Variants in IQGAP2 observed in about 807,000 individuals in gnomAD.
IQGAP2 encodes the protein ras GTPase-activating-like protein IQGAP2.
A neutral mutation model predicts 201.3 loss-of-function variants in IQGAP2; 173 were observed. The observed-to-expected ratio is 0.86, with a 90% confidence interval of 0.76 to 0.98. The LOEUF (loss-of-function observed/expected upper bound fraction) is 0.98, where lower values mean the gene tolerates loss of function less well. IQGAP2 is among the 50% of genes least tolerant of loss of function. The probability of loss-of-function intolerance (pLI) is 0.00; values close to 1 mark genes in which losing one functional copy is unlikely to be tolerated. For synonymous variants in IQGAP2, 675 were observed against 673.9 expected (o/e 1.00, Z -0.03); for missense variants, 1,687 against 1,864.8 (o/e 0.90, Z 1.76).
At chr5:76,638,561 G>A (rs946023335) in intron 16 of IQGAP2, among the ~76,000 whole-genome samples, 1 of 152,042 alleles carries the variant, frequency 6.6e-6, no homozygotes, top group Non-Finnish European at 1.5e-5. Context: ...GGAGCCCAGG[G>A]CTGAAGTATT....
At chr5:76,623,068 T>C in intron 13 of IQGAP2, 9 of 1,075,526 alleles carry the variant, frequency 8.4e-6, no homozygotes, top group Admixed American at 1.9e-5. Flanking sequence ...CTTTGGGGTT[T>C]ACAGTTTGTG....
At chr5:76,574,949 A>C (rs1005924399) in intron 4 of IQGAP2, among the ~76,000 whole-genome samples, 3 of 152,236 alleles carry the variant, frequency 2.0e-5, no homozygotes, top group Admixed American at 2.0e-4. Flanking sequence ...ATTAAAAATA[A>C]TCTTATAGTA....
At chr5:76,608,687 A>G (rs1202699566) in intron 12 of IQGAP2, among the ~76,000 whole-genome samples, 1 of 152,236 alleles carries the variant, frequency 6.6e-6, no homozygotes, top group Non-Finnish European at 1.5e-5. Context: ...TTAATGGAGA[A>G]GCTAGCTGCT....
In IQGAP2 at chr5:76,632,147, C is replaced by T. The variant is rs191908980; in HGVS notation, c.1780+121C>T. 13 of 847,986 alleles carry T rather than the reference C, an allele frequency of 1.5e-5. 1 individual carries two copies. In the Admixed American group the frequency reaches 4.5e-4, roughly 29 times the overall value. The allele number at this position is 847,986 out of a possible 1,614,324, so 52.5% of individuals were successfully genotyped here. On this transcript the variant is annotated intron_variant, in intron 15 of 35. Coordinates refer to ENST00000274364, the MANE Select transcript of IQGAP2 (RefSeq NM_006633.5). ...AATTAACATTTCTGTAATTTTTTGT[C>T]ATCTATGGCTAAGGAAATTAGGAAA...
intron 2 of IQGAP2, among the ~76,000 whole-genome samples, chr5:76,553,272 A>T (rs1339966364): frequency 1.3e-5 from 2 of 152,212 alleles, no homozygotes; most frequent in African/African-American, 4.8e-5. Flanking sequence ...AGATATTCTT[A>T]TATTCTTTTA....
chr5:76,433,087 A>T (rs1436852944), intron 1 of IQGAP2, among the ~76,000 whole-genome samples: 1 of 152,204 alleles, frequency 6.6e-6, no homozygotes. Context: ...GGAAACTAGC[A>T]AGAATTGTGG....
In IQGAP2 at chr5:76,461,665, A is replaced by G. The variant is rs751338890; in HGVS notation, c.142A>G (p.Lys48Glu). The G allele has an allele frequency of 6.2e-7, 1 of 1,607,552 alleles. No homozygotes were observed. Among genetic ancestry groups the G allele is most frequent in the Non-Finnish European group, 8.5e-7 (1 of 1,173,996 alleles). ...ATATCTGTGCCACTTAGAGGAAGCC[A>G]AAAGGTAAGATCCAGACTTAGTCTA... The part of the protein sequence containing the change: ...YEYLCHLEEA[K>E]RWMEVCLVEE... Residue 48 changes from lysine to glutamate, a missense_variant, in exon 2 of 36, where the codon AAA becomes GAA. Coordinates refer to ENST00000274364, the MANE Select transcript of IQGAP2 (RefSeq NM_006633.5).
chr5:76,671,708 AATC>A, intron 23 of IQGAP2, 48 bp from the exon 24 acceptor site: 2 of 1,275,030 alleles, frequency 1.6e-6, no homozygotes, highest in Non-Finnish European at 2.2e-6. Context: ...AAAAAAAAAA[AATC>A]TGTATCCATG....
chr5:76,661,948 A>G (rs938727460), intron 21 of IQGAP2, among the ~76,000 whole-genome samples: 3 of 152,256 alleles, frequency 2.0e-5, no homozygotes, highest in Non-Finnish European at 4.4e-5. Flanking sequence ...ATGGGGGACT[A>G]TCATGAACAA....
chr5:76,536,185 C>A (rs1759613689), intron 2 of IQGAP2, among the ~76,000 whole-genome samples: 1 of 150,594 alleles, frequency 6.6e-6, no homozygotes. Flanking sequence ...TGTCCTGCCT[C>A]AGCCTCCCAA....
chr5:76,647,592 G>A lies in IQGAP2; in HGVS notation c.2095-5158G>A, dbSNP rs183201791. 5.3e-3 allele frequency among the ~76,000 whole-genome samples: 806 copies of A among 152,132 alleles called. 8 individuals are homozygous for A. The highest frequency in any genetic ancestry group is 0.018 in the African/African-American group (747 of 41,470). Reference sequence around the variant, plus strand: ...CTCTCTTGCTGCCACCGTGTAAGAAGTGCCTTTTGCCTTCCACCATGATTG... The same window carrying A: ...CTCTCTTGCTGCCACCGTGTAAGAAATGCCTTTTGCCTTCCACCATGATTG... On this transcript the variant is annotated intron_variant, in intron 17 of 35. Coordinates refer to ENST00000274364, the MANE Select transcript of IQGAP2 (RefSeq NM_006633.5).
Position 76,597,948 on chromosome 5 carries a change from G to A in IQGAP2, c.1071+346G>A, listed in dbSNP as rs73121902. On this transcript the variant is annotated intron_variant, in intron 10 of 35. Transcript: ENST00000274364. ...TTTTTACAATATATAATGTTTTTATGTAGAAAATAAGCTCAATCTGCAATT... is the reference window on the plus strand; with the variant it reads ...TTTTTACAATATATAATGTTTTTATATAGAAAATAAGCTCAATCTGCAATT... Among the ~76,000 whole-genome samples the A allele has an allele frequency of 6.3e-3, 960 of 152,224 alleles. 6 individuals carry two copies. The highest frequency in any genetic ancestry group is 0.02 in the Middle Eastern group (6 of 294).
At chr5:76,642,213 C>T (rs2150405320) in intron 17 of IQGAP2, among the ~76,000 whole-genome samples, 1 of 152,118 alleles carries the variant, frequency 6.6e-6, no homozygotes, top group South Asian at 2.1e-4. Context: ...ACAAATTTCA[C>T]GTGTCAGCCA....
chr5:76,648,673 T>C (rs1325796705), intron 17 of IQGAP2, among the ~76,000 whole-genome samples: 1 of 151,960 alleles, frequency 6.6e-6, no homozygotes, highest in Non-Finnish European at 1.5e-5. Context: ...AAAGAACATC[T>C]CAGGAAAAAA....
Position 76,403,715 on chromosome 5 carries a change from C to A in IQGAP2, c.46+124C>A. The A allele has an allele frequency of 2.6e-6, 2 of 761,094 alleles. No homozygotes were observed. Among genetic ancestry groups the A allele is most frequent in the Non-Finnish European group, 3.8e-6 (2 of 526,044 alleles). 47.1% of individuals were successfully genotyped at this position (761,094 alleles called of 1,614,324 possible). ...AGGAAATTGGAAGGCAGCAACTGCG[C>A]GGCTGGCAAAGTTGGGAGCTGGAGT... On this transcript the variant is annotated intron_variant, in intron 1 of 35. Coordinates refer to ENST00000274364, the MANE Select transcript of IQGAP2 (RefSeq NM_006633.5). This position sits in a 1 kb window ranked among gnomAD's most constrained non-coding sequence, Gnocchi z 4.8.
intron 17 of IQGAP2, 84 bp from the exon 18 acceptor site, chr5:76,652,666 C>G: frequency 1.0e-6 from 1 of 958,930 alleles, no homozygotes; most frequent in Non-Finnish European, 1.7e-6. Flanking sequence ...TCCATGCGGC[C>G]TGAGATGTGC....
In IQGAP2 at chr5:76,652,918, A is replaced by G. The variant is rs878889440; in HGVS notation, c.2178+85A>G. The G allele has an allele frequency of 2.3e-5, 21 of 902,344 alleles. No homozygotes were observed. The South Asian group carries it at 2.7e-4, about 12-fold the overall frequency. The allele number at this position is 902,344 out of a possible 1,614,324, so 55.9% of individuals were successfully genotyped here. On this transcript the variant is annotated intron_variant, in intron 18 of 35. Transcript: ENST00000274364. ...TTTAATCTGAAAGACAGCTATAGAAAGGGAGGGTACATGTGAGCCTTGAAG... is the reference window on the plus strand; with the variant it reads ...TTTAATCTGAAAGACAGCTATAGAAGGGGAGGGTACATGTGAGCCTTGAAG...
rs536349555 is a variant in IQGAP2, at chr5:76,642,084, T to G, written c.2094+981T>G. Among the ~76,000 whole-genome samples the G allele has an allele frequency of 8.5e-5, 13 of 152,340 alleles. No homozygotes were observed. The South Asian group carries it at 2.7e-3, about 32-fold the overall frequency. ...CTATAAATCTGACACTCAAAGGATT[T>G]TTCTAGGTGGGCCAATGAGTTTACA... On this transcript the variant is annotated intron_variant, in intron 17 of 35. Transcript: ENST00000274364.
intron 1 of IQGAP2, among the ~76,000 whole-genome samples, chr5:76,430,244 A>T (rs1481496228): frequency 2.1e-5 from 1 of 46,600 alleles, no homozygotes; most frequent in Non-Finnish European, 6.3e-5. Context: ...CAGACAGGGC[A>T]CAGTGGGAAT....
Sources: gnomAD v4.1 joint callset for allele counts (sites outside exome capture counted in the v4.1 genomes callset) on GRCh38, gnomAD v4.1.1 for gene constraint, Gnocchi (gnomAD v3.1) non-coding constraint, MANE v1.5 for transcripts, NCBI Gene and HGNC (gene_info 2026-07-23, HGNC 2026-07-21) for gene names.